Variants in TBL1X observed in about 807,000 individuals in gnomAD.
TBL1X encodes transducin beta like 1 X-linked.
In TBL1X, 10 loss-of-function variants were observed where a neutral mutation model predicts 50.7. The observed-to-expected ratio is 0.20, with a 90% confidence interval of 0.12 to 0.33. The LOEUF (loss-of-function observed/expected upper bound fraction) is 0.33. Among genes scored for constraint, TBL1X ranks in the 10% least tolerant of loss-of-function variants. The pLI, the probability that TBL1X is intolerant of heterozygous loss-of-function variation, is 1.00. For missense variants in TBL1X, 340 were observed against 504.4 expected (o/e 0.67, Z 3.12); for synonymous variants, 190 against 214.7 (o/e 0.88, Z 1.01).
chrX:9,712,960 C>G (rs1190608730), intron 16 of TBL1X, among the ~76,000 whole-genome samples: 1 of 63,907 alleles, frequency 1.6e-5, no homozygotes, highest in African/African-American at 7.0e-5. Flanking sequence ...ATCACACAGC[C>G]TTCCCCCTGC....
chrX:9,713,421 C>CTTTTTTTTTTT lies in TBL1X; in HGVS notation c.1606-1477_1606-1476insTTTTTTTTTTT, dbSNP rs757107084. On this transcript the variant is annotated intron_variant, in intron 16 of 17. Transcript: ENST00000645353. ...TTATAAATCAAAGAAATCCTTAGGA[C>CTTTTTTTTTTT]TTTTCTTTTTTTTTTTTTTTTTTGG... 8.0e-5 allele frequency among the ~76,000 whole-genome samples: 7 copies of CTTTTTTTTTTT among 87,573 alleles called. 1 individual carries two copies. The highest frequency in any genetic ancestry group is 4.3e-5 in the Non-Finnish European group (2 of 46,913). 76.0% of individuals were successfully genotyped at this position (87,573 alleles called of 115,157 possible). A position where few individuals can be genotyped will look rare whatever the true frequency, so the allele number is the denominator to read the frequency against.
At chrX:9,521,207 G>A (rs1454766389) in intron 2 of TBL1X, among the ~76,000 whole-genome samples, 1 of 111,772 alleles carries the variant, frequency 8.9e-6, no homozygotes, top group Non-Finnish European at 1.9e-5. Context: ...AAAAGGAGCA[G>A]AACAGATGGG....
Position 9,684,092 on chromosome X carries a change from G to A in TBL1X, c.261G>A (p.Gln87=), listed in dbSNP as rs947480795. ...TTGGGATTGAGAGCCACATCAGCCA[G>A]TCCAACATCAATGGGACGCTAGTGC... ...FTFGIESHIS[Q]SNINGTLVPP... is the part of the protein sequence containing the mutation. The change falls in exon 6 of 18, where the codon CAG becomes CAA. Residue 87 remains glutamine, a synonymous_variant. Transcript: ENST00000645353. 8.3e-7 allele frequency: 1 copy of A among 1,209,856 alleles called. No individual in the cohort carries two copies. The highest frequency in any genetic ancestry group is 1.8e-5 in the African/African-American group (1 of 57,037).
chrX:9,717,424 G>A lies in TBL1X; in HGVS notation c.*1178G>A, dbSNP rs2083285693. 8.9e-6 allele frequency: 1 copy of A among 112,089 alleles called. No individual in the cohort carries two copies. Among genetic ancestry groups the A allele is most frequent in the African/African-American group, 3.2e-5 (1 of 30,864 alleles). 9.2% of individuals were successfully genotyped at this position (112,089 alleles called of 1,213,427 possible). ...CAGGAAAGGTGGTCAGGAAAACTCTGGCTGGACAAGGGTCAGTCTTCGGGG... is the reference window on the plus strand; with the variant it reads ...CAGGAAAGGTGGTCAGGAAAACTCTAGCTGGACAAGGGTCAGTCTTCGGGG... On this transcript the variant is annotated 3_prime_UTR_variant, in exon 18 of 18. Transcript: ENST00000645353.
chrX:9,539,576 AC>A lies in TBL1X; in HGVS notation c.-131+37730del, dbSNP rs748863329. 4.7e-3 allele frequency among the ~76,000 whole-genome samples: 530 copies of A among 111,733 alleles called. 3 individuals are homozygous for A. Among genetic ancestry groups the A allele is most frequent in the Non-Finnish European group, 7.2e-3 (380 of 53,133 alleles). On this transcript the variant is annotated intron_variant, in intron 2 of 17. Coordinates refer to ENST00000645353, the MANE Select transcript of TBL1X (RefSeq NM_005647.4). ...CTTTCCTCAGGAAGCCCGGTTTCCC[AC>A]CCAGATGGCTTTGGGCTACTCATCA... is the stretch of plus-strand genomic sequence containing the variant.
chrX:9,621,445 T>C lies in TBL1X; in HGVS notation c.-130-18828T>C, dbSNP rs1250383712. Among the ~76,000 whole-genome samples, 3 of 112,048 alleles carry C rather than the reference T, an allele frequency of 2.7e-5. No homozygotes were observed. The East Asian group carries it at 8.4e-4, about 32-fold the overall frequency. Reference sequence around the variant, plus strand: ...TGCAGAGAATATACATTAATATCACTGTCTTATTCTCACTGACTCCCCACC... The same window carrying C: ...TGCAGAGAATATACATTAATATCACCGTCTTATTCTCACTGACTCCCCACC... On this transcript the variant is annotated intron_variant, in intron 2 of 17. Transcript: ENST00000645353.
At chrX:9,653,900 C>T (rs2082850576) in intron 4 of TBL1X, among the ~76,000 whole-genome samples, 1 of 111,955 alleles carries the variant, frequency 8.9e-6, no homozygotes, top group African/African-American at 3.2e-5. Context: ...TTATTGAACG[C>T]AAAGTCAGTT....
At chrX:9,535,027 G>A (rs1455465086) in intron 2 of TBL1X, 2 of 111,442 alleles carry the variant, frequency 1.8e-5, no homozygotes, top group Admixed American at 9.5e-5. Flanking sequence ...GTGAGCATCC[G>A]GTCAACAGTA....
chrX:9,699,382 G>C (rs1267936344), intron 12 of TBL1X, among the ~76,000 whole-genome samples: 3 of 112,077 alleles, frequency 2.7e-5, no homozygotes, highest in Admixed American at 9.4e-5. Flanking sequence ...GCTTAAAGTG[G>C]ACAGAAGTGG....
intron 3 of TBL1X, among the ~76,000 whole-genome samples, chrX:9,652,275 CCTT>C (rs2082839727): frequency 8.9e-6 from 1 of 111,871 alleles, no homozygotes; most frequent in South Asian, 3.7e-4. Flanking sequence ...TGCCCCATCT[CCTT>C]GACGCATTCT....
chrX:9,553,007 G>T (rs2082278100), intron 2 of TBL1X, among the ~76,000 whole-genome samples: 1 of 111,204 alleles, frequency 9.0e-6, no homozygotes, highest in Non-Finnish European at 1.9e-5. Flanking sequence ...GCTGGGCATG[G>T]TGGCACGTGC....
Position 9,482,321 on chromosome X carries a change from A to G in TBL1X, c.-201+16874A>G, listed in dbSNP as rs764150798. On this transcript the variant is annotated intron_variant, in intron 1 of 17. Coordinates refer to ENST00000645353, the MANE Select transcript of TBL1X (RefSeq NM_005647.4). The stretch of plus-strand genomic sequence containing the variant: ...TCTAATGTCTGGATAAATTGTGCCC[A>G]GTGTTAATCTTTGTTTTTTTTCCGT... Among the ~76,000 whole-genome samples the G allele has an allele frequency of 7.2e-5, 8 of 111,853 alleles. No homozygotes were observed. In the South Asian group the frequency reaches 3.0e-3, roughly 42 times the overall value.
Position 9,665,560 on chromosome X carries a change from G to A in TBL1X, c.211+11238G>A, listed in dbSNP as rs1258253288. ...ATATAAAAGGCCTTGGTGCTTTTTC[G>A]CTTCTTGGATCTTGTTTAAGAAAAA... On this transcript the variant is annotated intron_variant, in intron 5 of 17. Transcript: ENST00000645353. Among the ~76,000 whole-genome samples, 38 of 57,220 alleles carry A rather than the reference G, an allele frequency of 6.6e-4. 1 individual carries two copies. The highest frequency in any genetic ancestry group is 2.6e-3 in the African/African-American group (37 of 14,488). The allele number at this position is 57,220 out of a possible 115,157, so 49.7% of individuals were successfully genotyped here. A position where few individuals can be genotyped will look rare whatever the true frequency, so the allele number is the denominator to read the frequency against.
At chrX:9,637,921 G>A (rs2082756469) in intron 2 of TBL1X, 1 of 112,014 alleles carries the variant, frequency 8.9e-6, no homozygotes, top group African/African-American at 3.2e-5. Flanking sequence ...TTAATGAGGT[G>A]TGCTTGTGTG....
intron 2 of TBL1X, among the ~76,000 whole-genome samples, chrX:9,568,178 ATCT>A (rs1363900314): frequency 3.6e-5 from 4 of 111,657 alleles, no homozygotes; most frequent in Non-Finnish European, 7.5e-5. Context: ...GACGCCATGC[ATCT>A]TCTTGTCCTC....
chrX:9,697,822 G>A (rs2083141730), intron 12 of TBL1X, among the ~76,000 whole-genome samples: 1 of 112,160 alleles, frequency 8.9e-6, no homozygotes, highest in African/African-American at 3.2e-5. Context: ...TGTGGCTGAT[G>A]CCTGTAATTC....
intron 6 of TBL1X, among the ~76,000 whole-genome samples, chrX:9,687,648 C>T (rs988301485): frequency 1.1e-4 from 12 of 109,582 alleles, no homozygotes; most frequent in Non-Finnish European, 2.1e-4. Flanking sequence ...CAGACGTTGC[C>T]TAATGCCCCC....
rs986810147 is a variant in TBL1X at position 9,576,721 on chromosome X, G to A, written c.-130-63552G>A. On this transcript the variant is annotated intron_variant, in intron 2 of 17. Transcript: ENST00000645353. ...AAAAAAAAAAAAAAAAAAAAACATC[G>A]GACGTGGTGGGTCACACCTGTAATC... 1.5e-3 allele frequency among the ~76,000 whole-genome samples: 151 copies of A among 101,768 alleles called. 1 individual carries two copies. The highest frequency in any genetic ancestry group is 4.8e-3 in the African/African-American group (126 of 26,158). 88.4% of individuals were successfully genotyped at this position (101,768 alleles called of 115,157 possible).
chrX:9,696,628 T>G (rs73484511), intron 11 of TBL1X, among the ~76,000 whole-genome samples: 3,935 of 112,877 alleles, frequency 0.035, 158 homozygotes, highest in African/African-American at 0.12. Flanking sequence ...CCAATGGCTC[T>G]GCCATGTCTA....
Sources: allele counts gnomAD v4.1 joint callset (sites outside exome capture counted in the v4.1 genomes callset), GRCh38; gene constraint gnomAD v4.1.1; transcripts MANE v1.5; gene names NCBI Gene and HGNC (gene_info 2026-07-23, HGNC 2026-07-21).